Variants in EVI5 observed in about 807,000 individuals in gnomAD.
EVI5 encodes the protein ecotropic viral integration site 5 protein homolog.
EVI5 carries 73 observed loss-of-function variants against 112.0 expected under a neutral mutation model. That is an observed-to-expected ratio of 0.65 (90% confidence interval 0.54 to 0.79). The LOEUF (loss-of-function observed/expected upper bound fraction) is 0.79, where lower values mean the gene tolerates loss of function less well. EVI5 is among the 30% of genes least tolerant of loss of function. EVI5 has a pLI of 0.00. For synonymous variants in EVI5, 305 were observed against 319.9 expected, an observed-to-expected ratio of 0.95 and a Z score of 0.50; for missense variants, 900 against 968.8, an observed-to-expected ratio of 0.93 and a Z score of 0.94.
chr1:92,640,681 C>G (rs4417075), intron 13 of EVI5, among the ~76,000 whole-genome samples: 1 of 151,826 alleles, frequency 6.6e-6, no homozygotes, highest in African/African-American at 2.4e-5. Context: ...TCAACCAACA[C>G]GGTTCTAGAA....
intron 1 of EVI5, among the ~76,000 whole-genome samples, chr1:92,778,413 T>C (rs1452615089): frequency 6.6e-6 from 1 of 152,070 alleles, no homozygotes; most frequent in African/African-American, 2.4e-5. Flanking sequence ...AGGTGACAGA[T>C]TTCTCTTCTC....
At chr1:92,591,904 A>G (rs1232309953) in intron 18 of EVI5, among the ~76,000 whole-genome samples, 1 of 152,230 alleles carries the variant, frequency 6.6e-6, no homozygotes, top group Non-Finnish European at 1.5e-5. Flanking sequence ...AGTATAACAA[A>G]CTGTCTCTCA....
chr1:92,784,569 T>C (rs1249764328), intron 1 of EVI5: 1 of 367,458 alleles, frequency 2.7e-6, no homozygotes, highest in African/African-American at 2.2e-5. Context: ...TCCACCGCCC[T>C]GGGACGCCAC....
At chr1:92,631,922 G>C (rs1657235505) in intron 14 of EVI5, among the ~76,000 whole-genome samples, 1 of 152,136 alleles carries the variant, frequency 6.6e-6, no homozygotes, top group Admixed American at 6.5e-5. Context: ...GGCCTTTTCT[G>C]CATCTATTGA....
chr1:92,569,133 G>A (rs989203095), intron 18 of EVI5, among the ~76,000 whole-genome samples: 4 of 152,164 alleles, frequency 2.6e-5, no homozygotes, highest in African/African-American at 7.2e-5. Flanking sequence ...AGCTGCTTAT[G>A]TGTAATCATC....
chr1:92,736,447 A>T lies in EVI5; in HGVS notation c.100T>A (p.Leu34Met), dbSNP rs542278414. 2 of 1,613,952 alleles carry T rather than the reference A, an allele frequency of 1.2e-6. No homozygotes were observed. The highest frequency in any genetic ancestry group is 1.3e-5 in the African/African-American group (1 of 75,026). Residue 34 changes from leucine to methionine, a missense_variant, in exon 2 of 20, where the codon TTG (leucine) becomes ATG (methionine). Leu to Met is a conservative substitution (Grantham distance 15, BLOSUM62 2). Transcript: ENST00000684568. ...PALSPSSPSQ[L>M]SPDDLELLAK... ...AGGAGTTCTAAGTCGTCTGGACTCA[A>T]CTGTGATGGGGAAGATGGTGAAAGG...
chr1:92,649,944 G>A (rs746662961), intron 13 of EVI5, among the ~76,000 whole-genome samples: 19 of 152,130 alleles, frequency 1.2e-4, no homozygotes, highest in South Asian at 4.1e-4. Context: ...GAGACTATTC[G>A]TTCCTCATTG....
chr1:92,534,941 A>G (rs550707406), intron 19 of EVI5, among the ~76,000 whole-genome samples: 1 of 152,326 alleles, frequency 6.6e-6, no homozygotes, highest in African/African-American at 2.4e-5. Context: ...ACTAAACTAA[A>G]GAGCTTCTGC....
chr1:92,594,359 C>T (rs1366316676), intron 18 of EVI5, among the ~76,000 whole-genome samples: 2 of 151,546 alleles, frequency 1.3e-5, no homozygotes, highest in African/African-American at 2.4e-5. Flanking sequence ...AACTGGCTAG[C>T]CATATGTAGA....
intron 1 of EVI5, chr1:92,784,515 T>C: frequency 1.3e-6 from 1 of 784,618 alleles, no homozygotes; most frequent in Non-Finnish European, 1.5e-6. Context: ...GTCAGTGTCC[T>C]CCACGGGATT....
At chr1:92,542,927 T>C (rs1042733030) in intron 19 of EVI5, among the ~76,000 whole-genome samples, 2 of 152,202 alleles carry the variant, frequency 1.3e-5, no homozygotes, top group Non-Finnish European at 2.9e-5. Context: ...TGTAATGAGA[T>C]GTGCAGTCAT....
At chr1:92,592,437 T>G (rs1336316813) in intron 18 of EVI5, among the ~76,000 whole-genome samples, 1 of 152,108 alleles carries the variant, frequency 6.6e-6, no homozygotes, top group African/African-American at 2.4e-5. Context: ...AGAGGGAAAT[T>G]TATAGCCTTA....
At chr1:92,756,456 G>A (rs748947600) in intron 1 of EVI5, 45 of 539,636 alleles carry the variant, frequency 8.3e-5, no homozygotes, top group Non-Finnish European at 1.3e-4. Context: ...ATTATACTTC[G>A]TCTTTCTCCA....
At chr1:92,628,598 C>A (rs1656204018) in intron 14 of EVI5, among the ~76,000 whole-genome samples, 2 of 152,178 alleles carry the variant, frequency 1.3e-5, no homozygotes, top group African/African-American at 4.8e-5. Context: ...CAATTTCCCA[C>A]CATATTAAAA....
At chr1:92,623,081 T>TA (rs34372674) in intron 16 of EVI5, among the ~76,000 whole-genome samples, 140,115 of 152,230 alleles carry the variant, frequency 0.92, 64,571 homozygotes, top group East Asian at 0.97. Flanking sequence ...AAAAGCTGTG[T>TA]TTTCATCTTT....
At chr1:92,649,356 A>G (rs902200492) in intron 13 of EVI5, among the ~76,000 whole-genome samples, 10 of 152,198 alleles carry the variant, frequency 6.6e-5, no homozygotes, top group African/African-American at 2.4e-4. Context: ...TTGATGCACA[A>G]AAAGTTTTCA....
At position 92,677,210 on chromosome 1, in the gene EVI5, T is replaced by G; in HGVS notation, c.1106A>C (p.Lys369Thr). ...TTTCGTTTTTATTGTAGTGTATTCC[T>G]TTTCAAGCCTAAGAAAGGAAAAAAA... ...YNSKKMKKLEKEYTTIKTKEM... is the reference protein window; with the variant it reads ...YNSKKMKKLETEYTTIKTKEM... The change falls in exon 10 of 20, where the codon AAG becomes ACG. Residue 369 changes from lysine (K) to threonine (T), a missense_variant. Coordinates refer to ENST00000684568, the MANE Select transcript of EVI5 (RefSeq NM_001350197.2). The G allele has an allele frequency of 6.4e-7, 1 of 1,558,740 alleles. No individual in the cohort carries two copies. The highest frequency in any genetic ancestry group is 1.4e-5 in the African/African-American group (1 of 73,422).
At chr1:92,628,319 T>C (rs1656141833) in intron 14 of EVI5, among the ~76,000 whole-genome samples, 2 of 152,246 alleles carry the variant, frequency 1.3e-5, no homozygotes, top group Non-Finnish European at 2.9e-5. Context: ...GTGCAAAAGC[T>C]CCTCAGTTTA....
intron 19 of EVI5, among the ~76,000 whole-genome samples, chr1:92,535,409 T>A (rs930255528): frequency 1.3e-5 from 2 of 152,188 alleles, no homozygotes; most frequent in African/African-American, 4.8e-5. Context: ...CCTTACTGGG[T>A]ATATACCCAA....
Sources: gnomAD v4.1 joint callset for allele counts (sites outside exome capture counted in the v4.1 genomes callset) on GRCh38, gnomAD v4.1.1 for gene constraint, MANE v1.5 for transcripts, NCBI Gene and HGNC (gene_info 2026-07-23, HGNC 2026-07-21) for gene names.